The following AFG2A variants were observed in gnomAD, a reference collection of about 807,000 sequenced individuals.
AFG2A encodes AAA ATPase AFG2A.
the AFG2A span, among the ~76,000 whole-genome samples, chr4:122,951,459 C>CACACAT: frequency 6.7e-5 from 10 of 150,356 alleles, no homozygotes; most frequent in East Asian, 5.8e-4. Context: ...CACACACACA[C>CACACAT]GCACGCACAC....
chr4:122,987,437 G>A, the AFG2A span, among the ~76,000 whole-genome samples: 1 of 152,004 alleles, frequency 6.6e-6, no homozygotes, highest in African/African-American at 2.4e-5. Context: ...TTATTGATAG[G>A]TAAGGGCTTA....
chr4:123,215,993 G>C, the AFG2A span, among the ~76,000 whole-genome samples: 1 of 152,018 alleles, frequency 6.6e-6, no homozygotes, highest in African/African-American at 2.4e-5. Context: ...TCTCCTAGTA[G>C]GGCAAGTATA....
At chr4:123,155,445 T>A in the AFG2A span, among the ~76,000 whole-genome samples, 2 of 152,184 alleles carry the variant, frequency 1.3e-5, no homozygotes, top group Non-Finnish European at 2.9e-5. Flanking sequence ...CTTCTTTTCC[T>A]CCACATTCCT....
At chr4:123,058,813 C>T in the AFG2A span, among the ~76,000 whole-genome samples, 8 of 24,926 alleles carry the variant, frequency 3.2e-4, no homozygotes, top group African/African-American at 5.9e-4. Flanking sequence ...CATATCATTC[C>T]GCCCCGGCCC....
At chr4:122,939,146 C>T in the AFG2A span, among the ~76,000 whole-genome samples, 3 of 131,030 alleles carry the variant, frequency 2.3e-5, no homozygotes, top group South Asian at 7.6e-4. Flanking sequence ...AGTGCAATGG[C>T]ACAATCTCGG....
chr4:123,288,738 T>C, the AFG2A span, among the ~76,000 whole-genome samples: 1 of 152,144 alleles, frequency 6.6e-6, no homozygotes, highest in Non-Finnish European at 1.5e-5. Flanking sequence ...AGAAGAGCCT[T>C]TGAAGGACTG....
chr4:123,311,353 C>T, the AFG2A span, among the ~76,000 whole-genome samples: 5 of 152,182 alleles, frequency 3.3e-5, no homozygotes, highest in South Asian at 6.2e-4. Flanking sequence ...GCAGGCTGGG[C>T]TCGGGGGCTC....
the AFG2A span, among the ~76,000 whole-genome samples, chr4:123,035,003 C>T: frequency 6.6e-6 from 1 of 152,092 alleles, no homozygotes; most frequent in African/African-American, 2.4e-5. Flanking sequence ...TCCCCCTGCC[C>T]ATAATGATAG....
the AFG2A span, among the ~76,000 whole-genome samples, chr4:123,258,469 G>T: frequency 6.6e-6 from 1 of 152,070 alleles, no homozygotes; most frequent in African/African-American, 2.4e-5. Flanking sequence ...AAACTGTGGG[G>T]AAAAAAGATT....
chr4:123,284,209 G>T, the AFG2A span, among the ~76,000 whole-genome samples: 6 of 152,036 alleles, frequency 3.9e-5, no homozygotes, highest in Non-Finnish European at 8.8e-5. Context: ...TACATTTTTT[G>T]ACTTCCATGG....
chr4:123,287,885 G>A, the AFG2A span, among the ~76,000 whole-genome samples: 1 of 152,124 alleles, frequency 6.6e-6, no homozygotes, highest in African/African-American at 2.4e-5. Flanking sequence ...GACTTGAGGC[G>A]AGTGAACTGC....
the AFG2A span, among the ~76,000 whole-genome samples, chr4:123,292,776 G>A: frequency 1.7e-4 from 26 of 152,258 alleles, no homozygotes; most frequent in African/African-American, 6.0e-4. Context: ...CTCCGGTGGT[G>A]TGTACTTTTC....
At chr4:123,048,303 G>C in the AFG2A span, among the ~76,000 whole-genome samples, 3 of 152,064 alleles carry the variant, frequency 2.0e-5, no homozygotes, top group Non-Finnish European at 4.4e-5. Context: ...TATGCTTCCA[G>C]CTTCGTTCTT....
At chr4:123,198,541 T>C in the AFG2A span, among the ~76,000 whole-genome samples, 1 of 152,186 alleles carries the variant, frequency 6.6e-6, no homozygotes, top group Non-Finnish European at 1.5e-5. Context: ...TCTCTGATTC[T>C]GTTTCTTCTC....
the AFG2A span, among the ~76,000 whole-genome samples, chr4:122,956,409 C>T: frequency 6.6e-6 from 1 of 152,218 alleles, no homozygotes; most frequent in Non-Finnish European, 1.5e-5. Flanking sequence ...CCAAGGTCAT[C>T]TTACTTCAAC....
At chr4:123,075,944 C>T in the AFG2A span, among the ~76,000 whole-genome samples, 1 of 142,970 alleles carries the variant, frequency 7.0e-6, no homozygotes, top group African/African-American at 2.6e-5. Context: ...GCAACAAGGG[C>T]GAAACTCCAT....
At chr4:123,297,024 G>T in the AFG2A span, among the ~76,000 whole-genome samples, 1 of 152,266 alleles carries the variant, frequency 6.6e-6, no homozygotes, top group Non-Finnish European at 1.5e-5. Flanking sequence ...TTAATTGACT[G>T]TAGGGACTAT....
chr4:123,186,694 A>G, the AFG2A span, among the ~76,000 whole-genome samples: 1 of 152,188 alleles, frequency 6.6e-6, no homozygotes, highest in East Asian at 1.9e-4. Flanking sequence ...GGGTCATAAA[A>G]GGAAAAAATA....
At chr4:123,134,398 A>G in the AFG2A span, among the ~76,000 whole-genome samples, 1 of 152,134 alleles carries the variant, frequency 6.6e-6, no homozygotes, top group African/African-American at 2.4e-5. Flanking sequence ...CATCATCAAA[A>G]ATCAATTGAC....
Sources: allele counts gnomAD v4.1 joint callset (sites outside exome capture counted in the v4.1 genomes callset), GRCh38; gene constraint gnomAD v4.1.1; transcripts MANE v1.5; gene names NCBI Gene and HGNC (gene_info 2026-07-23, HGNC 2026-07-21).